The following NR3C2 variants were observed in gnomAD, a reference collection of about 807,000 sequenced individuals.
NR3C2 encodes the protein nuclear receptor subfamily 3 group C member 2.
In NR3C2, 15 loss-of-function variants were observed where a neutral mutation model predicts 86.4. The ratio of observed to expected loss-of-function variants is 0.17; its 90% CI spans 0.12 to 0.27. The LOEUF (loss-of-function observed/expected upper bound fraction) is 0.27. Ranked by LOEUF, NR3C2 falls within the 10% of genes least tolerant of loss-of-function variation. NR3C2 has a pLI of 1.00. For synonymous variants in NR3C2, 458 were observed against 450.5 expected (o/e 1.02, Z -0.21); for missense variants, 960 against 1,195.6 (o/e 0.80, Z 2.91).
intron 2 of NR3C2, among the ~76,000 whole-genome samples, chr4:148,403,840 T>C (rs1165764739): frequency 6.6e-6 from 1 of 152,086 alleles, no homozygotes. Flanking sequence ...ACCAAAAGTT[T>C]TCAAGTTCCC....
chr4:148,377,744 C>G (rs1044088024), intron 2 of NR3C2, among the ~76,000 whole-genome samples: 8 of 152,158 alleles, frequency 5.3e-5, no homozygotes, highest in Admixed American at 4.6e-4. Context: ...AAGGCAATGT[C>G]AGATACTTCT....
At chr4:148,107,109 C>T (rs113327310) in intron 8 of NR3C2, among the ~76,000 whole-genome samples, 7 of 152,106 alleles carry the variant, frequency 4.6e-5, no homozygotes, top group African/African-American at 1.7e-4. Flanking sequence ...GCAATCTACC[C>T]ATCTGACAAA....
chr4:148,217,887 C>T (rs139959841), intron 3 of NR3C2, among the ~76,000 whole-genome samples: 1 of 152,188 alleles, frequency 6.6e-6, no homozygotes, highest in Non-Finnish European at 1.5e-5. Flanking sequence ...GTAATGAACC[C>T]TTGTAGCCAC....
chr4:148,444,303 T>G, upstream of NR3C2: 1 of 985,400 alleles, frequency 1.0e-6, no homozygotes, highest in Non-Finnish European at 1.2e-6. Flanking sequence ...AAAATCTAGG[T>G]TAGAACCGTG....
intron 6 of NR3C2, among the ~76,000 whole-genome samples, chr4:148,137,081 T>C (rs1733381286): frequency 6.6e-6 from 1 of 152,198 alleles, no homozygotes; most frequent in Non-Finnish European, 1.5e-5. Context: ...AGGATATTCA[T>C]TTATAATACT....
intron 3 of NR3C2, among the ~76,000 whole-genome samples, chr4:148,240,240 T>TTA (rs890435016): frequency 4.2e-5 from 6 of 141,564 alleles, no homozygotes; most frequent in Admixed American, 3.7e-4. Flanking sequence ...TATTTATAAA[T>TTA]TATATATATA....
intron 2 of NR3C2, among the ~76,000 whole-genome samples, chr4:148,342,619 T>A (rs528664733): frequency 6.6e-6 from 1 of 152,306 alleles, no homozygotes; most frequent in East Asian, 1.9e-4. Flanking sequence ...CGTTCCCACA[T>A]ATCTGAACCT....
chr4:148,426,815 C>T (rs1201409083), intron 2 of NR3C2, among the ~76,000 whole-genome samples: 1 of 152,170 alleles, frequency 6.6e-6, no homozygotes, highest in African/African-American at 2.4e-5. Context: ...TATGAAGAGG[C>T]CTCCCTGACC....
At chr4:148,361,972 G>A (rs1042519401) in intron 2 of NR3C2, among the ~76,000 whole-genome samples, 8 of 152,086 alleles carry the variant, frequency 5.3e-5, no homozygotes, top group African/African-American at 1.7e-4. Flanking sequence ...CAGGTAGCTG[G>A]GACCACAGGT....
At chr4:148,434,835 C>T (rs189611234) in intron 2 of NR3C2, among the ~76,000 whole-genome samples, 3 of 152,072 alleles carry the variant, frequency 2.0e-5, no homozygotes, top group Admixed American at 6.6e-5. Context: ...ATAAATTTTC[C>T]GAACACCTAA....
At chr4:148,320,468 T>C (rs969936798) in intron 2 of NR3C2, among the ~76,000 whole-genome samples, 3 of 134,314 alleles carry the variant, frequency 2.2e-5, no homozygotes, top group Non-Finnish European at 4.7e-5. Flanking sequence ...TTCCTCCTTG[T>C]ACCTCTGGTA....
chr4:148,248,339 C>A (rs1336818794), intron 3 of NR3C2, among the ~76,000 whole-genome samples: 3 of 152,138 alleles, frequency 2.0e-5, no homozygotes, highest in Non-Finnish European at 2.9e-5. Context: ...AATTGCTGAG[C>A]CCAGTTCAGC....
At chr4:148,208,648 T>A (rs77866898) in intron 3 of NR3C2, 2 of 152,366 alleles carry the variant, frequency 1.3e-5, no homozygotes, top group East Asian at 3.9e-4. Flanking sequence ...AAGACTCTCA[T>A]GATGTCCTAC....
At chr4:148,317,177 G>T (rs962340221) in intron 2 of NR3C2, among the ~76,000 whole-genome samples, 3 of 152,012 alleles carry the variant, frequency 2.0e-5, no homozygotes, top group Admixed American at 2.0e-4. Flanking sequence ...TTCAACCCAT[G>T]CATTAGAAAG....
At chr4:148,101,133 G>A (rs1731517652) in intron 8 of NR3C2, among the ~76,000 whole-genome samples, 1 of 152,054 alleles carries the variant, frequency 6.6e-6, no homozygotes, top group African/African-American at 2.4e-5. Flanking sequence ...CTGAAAAACG[G>A]TTAACATGGT....
At chr4:148,214,864 TAAAA>T (rs72653884) in intron 3 of NR3C2, among the ~76,000 whole-genome samples, 5 of 152,174 alleles carry the variant, frequency 3.3e-5, no homozygotes, top group African/African-American at 1.2e-4. Context: ...TTAAAAACGT[TAAAA>T]AAATTATGCA....
chr4:148,237,467 C>T (rs1248002810), intron 3 of NR3C2, among the ~76,000 whole-genome samples: 3 of 152,138 alleles, frequency 2.0e-5, no homozygotes, highest in Non-Finnish European at 2.9e-5. Flanking sequence ...GCAGTACTTA[C>T]GTCTGTGAAC....
chr4:148,163,360 C>A (rs956463435), intron 4 of NR3C2, among the ~76,000 whole-genome samples: 1 of 152,172 alleles, frequency 6.6e-6, no homozygotes, highest in Non-Finnish European at 1.5e-5. Context: ...GATGTACATT[C>A]CTGACTTAAC....
At chr4:148,323,908 A>C (rs944362772) in intron 2 of NR3C2, among the ~76,000 whole-genome samples, 3 of 151,930 alleles carry the variant, frequency 2.0e-5, no homozygotes, top group African/African-American at 7.3e-5. Flanking sequence ...CCTCCCCTCT[A>C]TCTCATTTTT....
Sources: allele counts gnomAD v4.1 joint callset (sites outside exome capture counted in the v4.1 genomes callset), GRCh38; gene constraint gnomAD v4.1.1; transcripts MANE v1.5; gene names NCBI Gene and HGNC (gene_info 2026-07-23, HGNC 2026-07-21).